The following HPD variants were observed in gnomAD, a reference collection of about 807,000 sequenced individuals.
The protein encoded by HPD is 4-hydroxyphenylpyruvic acid oxidase.
In HPD, 35 loss-of-function variants were observed where a neutral mutation model predicts 56.9. That is an observed-to-expected ratio of 0.62 (90% CI 0.47 to 0.82). The LOEUF (loss-of-function observed/expected upper bound fraction) is 0.82. Among genes scored for constraint, HPD ranks in the 40% least tolerant of loss-of-function variants. The pLI is 0.00. For missense variants in HPD, 442 were observed against 506.8 expected, an observed-to-expected ratio of 0.87 and a Z score of 1.23; for synonymous variants, 186 against 200.2, an observed-to-expected ratio of 0.93 and a Z score of 0.60.
the HPD span, chr12:121,874,408 G>C: frequency 6.6e-6 from 1 of 152,202 alleles, no homozygotes; most frequent in African/African-American, 2.4e-5. Context: ...CCTGAGGTCA[G>C]GAGTTCGAGG....
rs1347349791 is a variant in HPD, at chr12:121,856,166, C to G, written c.324+158G>C. 4.2e-6 allele frequency: 3 copies of G among 710,792 alleles called. No homozygotes were observed. In the Admixed American group the frequency reaches 6.0e-5, roughly 14 times the overall value. 44.0% of individuals were successfully genotyped at this position (710,792 alleles called of 1,614,324 possible). A position where few individuals can be genotyped will look rare whatever the true frequency, so the allele number is the denominator to read the frequency against. On this transcript the variant is annotated intron_variant, in intron 6 of 13. Coordinates refer to ENST00000289004, the MANE Select transcript of HPD (RefSeq NM_002150.3). ...TGGGCTTGTCACTGTGATGCAGCAT[C>G]TGGGCTTGTCACTGTGATGCAGCAT...
chr12:121,862,599 T>A (rs1878207621), upstream of HPD, among the ~76,000 whole-genome samples: 1 of 38,140 alleles, frequency 2.6e-5, no homozygotes, highest in African/African-American at 1.8e-4. Flanking sequence ...TCTCGGCCTT[T>A]TTTTTTTTTT....
chr12:121,855,500 T>C (rs1323150293), intron 6 of HPD, among the ~76,000 whole-genome samples: 2 of 152,130 alleles, frequency 1.3e-5, no homozygotes, highest in Non-Finnish European at 2.9e-5. Context: ...GGTGGATCAC[T>C]TGAGGTCAGG....
At chr12:121,879,495 C>CTCTTCTCTTT in the HPD span, among the ~76,000 whole-genome samples, 3 of 151,270 alleles carry the variant, frequency 2.0e-5, no homozygotes, top group East Asian at 3.9e-4. Context: ...CTCTTCTCTT[C>CTCTTCTCTTT]TCTTCTCTTT....
chr12:121,846,731 G>A, intron 11 of HPD, 131 bp downstream of exon 11: 1 of 819,638 alleles, frequency 1.2e-6, no homozygotes, highest in Non-Finnish European at 2.1e-6. Context: ...AAGAAGCAGT[G>A]AGGGAGTCCT....
At chr12:121,850,173 G>T (rs369346819) in intron 7 of HPD, among the ~76,000 whole-genome samples, 1 of 152,088 alleles carries the variant, frequency 6.6e-6, no homozygotes, top group East Asian at 1.9e-4. Context: ...TGTAATCCCA[G>T]CACTTTGGGA....
the HPD span, among the ~76,000 whole-genome samples, chr12:121,886,454 G>A: frequency 7.7e-6 from 1 of 129,304 alleles, no homozygotes; most frequent in Non-Finnish European, 1.5e-5. Flanking sequence ...TTGCTCTGCC[G>A]CTCAGGCAGT....
chr12:121,879,126 A>C, the HPD span, among the ~76,000 whole-genome samples: 1 of 152,070 alleles, frequency 6.6e-6, no homozygotes, highest in Non-Finnish European at 1.5e-5. Flanking sequence ...CGCTACTAAA[A>C]ATACAAAAAT....
chr12:121,874,377 G>A, the HPD span: 2 of 152,124 alleles, frequency 1.3e-5, no homozygotes, highest in Non-Finnish European at 2.9e-5. Flanking sequence ...AGAATTTTGG[G>A]AGGCCGAGGT....
chr12:121,855,086 C>T (rs1450451670), intron 6 of HPD, among the ~76,000 whole-genome samples: 1 of 152,134 alleles, frequency 6.6e-6, no homozygotes, highest in Non-Finnish European at 1.5e-5. Context: ...TTCTCTAGTC[C>T]TCAATTTCAC....
chr12:121,847,322 G>A, intron 9 of HPD, 108 bp from the exon 10 acceptor site: 1 of 947,578 alleles, frequency 1.1e-6, no homozygotes, highest in Non-Finnish European at 1.7e-6. Flanking sequence ...CCAGAAAGGA[G>A]ATGCCACTGC....
chr12:121,855,082 A>G (rs1184570716), intron 6 of HPD, among the ~76,000 whole-genome samples: 4 of 152,168 alleles, frequency 2.6e-5, no homozygotes, highest in Admixed American at 2.0e-4. Flanking sequence ...CCCCTTCTCT[A>G]GTCCTCAATT....
chr12:121,875,678 G>A, the HPD span, among the ~76,000 whole-genome samples: 17 of 152,044 alleles, frequency 1.1e-4, no homozygotes, highest in African/African-American at 3.1e-4. Flanking sequence ...TGCCCACTTC[G>A]GCGTCCCAAA....
chr12:121,881,260 T>C, the HPD span, among the ~76,000 whole-genome samples: 1 of 152,188 alleles, frequency 6.6e-6, no homozygotes. Context: ...GCATCTTACT[T>C]TTCCAAATGC....
At chr12:121,864,882 C>A (rs970596943), upstream of HPD, among the ~76,000 whole-genome samples, 14 of 136,990 alleles carry the variant, frequency 1.0e-4, no homozygotes, top group Admixed American at 8.7e-4. Context: ...ACAACAACAA[C>A]AAAAAACTCC....
Position 121,853,084 on chromosome 12 carries a change from C to T in HPD, c.414+1619G>A, listed in dbSNP as rs142300333. Among the ~76,000 whole-genome samples the T allele has an allele frequency of 2.9e-3, 443 of 152,200 alleles. 1 individual carries two copies. The highest frequency in any genetic ancestry group is 9.4e-3 in the African/African-American group (390 of 41,528). On this transcript the variant is annotated intron_variant, in intron 7 of 13. Transcript: ENST00000289004. ...GCAAACTAACGCAGGAACAGAAAAC[C>T]AAACACTGCATGTTCTCACTTAGAA... is the stretch of plus-strand genomic sequence containing the variant.
chr12:121,843,030 A>G (rs775644824), intron 12 of HPD, among the ~76,000 whole-genome samples: 1 of 152,146 alleles, frequency 6.6e-6, no homozygotes, highest in Non-Finnish European at 1.5e-5. Flanking sequence ...ACAAGCATGA[A>G]CCACCACACC....
At chr12:121,852,234 G>A (rs1385681473) in intron 7 of HPD, among the ~76,000 whole-genome samples, 2 of 152,018 alleles carry the variant, frequency 1.3e-5, no homozygotes, top group Non-Finnish European at 2.9e-5. Flanking sequence ...TGCGCAGGCT[G>A]GTCTCAAATT....
At chr12:121,854,953 C>T (rs570101668) in intron 6 of HPD, among the ~76,000 whole-genome samples, 161 bp from the exon 7 acceptor site, 2 of 152,246 alleles carry the variant, frequency 1.3e-5, no homozygotes, top group African/African-American at 2.4e-5. Flanking sequence ...ACCCCCAATA[C>T]TCATGCTCAT....
Sources: gnomAD v4.1 joint callset for allele counts (sites outside exome capture counted in the v4.1 genomes callset) on GRCh38, gnomAD v4.1.1 for gene constraint, MANE v1.5 for transcripts, NCBI Gene and HGNC (gene_info 2026-07-23, HGNC 2026-07-21) for gene names.